C7: variants seen among roughly 807,000 people sequenced by gnomAD.
C7 encodes the protein complement component C7.
Under a neutral mutation model 104.8 loss-of-function variants are expected in C7, and 83 were observed. The observed-to-expected ratio is 0.79, with a 90% confidence interval of 0.66 to 0.95. The LOEUF is 0.95. Among genes scored for constraint, C7 ranks in the 40% least tolerant of loss-of-function variants. The pLI is 0.00. For synonymous variants in C7, 415 were observed against 360.6 expected, an observed-to-expected ratio of 1.15 and a Z score of -1.71; for missense variants, 1,070 against 1,011.2, an observed-to-expected ratio of 1.06 and a Z score of -0.79.
intron 5 of C7, chr5:40,937,098 A>T (rs1561243617): frequency 6.5e-6 from 1 of 152,774 alleles, no homozygotes; most frequent in Non-Finnish European, 1.5e-5. Context: ...AAATATTTTA[A>T]AATTTATTAA....
intron 13 of C7, 150 bp from the exon 14 acceptor site, chr5:40,964,591 G>A: frequency 1.6e-6 from 1 of 638,980 alleles, no homozygotes; most frequent in Non-Finnish European, 2.7e-6. Flanking sequence ...TAACTATATA[G>A]GGGAAAATGT....
At chr5:40,961,374 C>T (rs1740416298) in intron 12 of C7, among the ~76,000 whole-genome samples, 2 of 149,980 alleles carry the variant, frequency 1.3e-5, no homozygotes, top group South Asian at 4.3e-4. Flanking sequence ...GGGTCACTAA[C>T]TCTAATTACC....
intron 14 of C7, among the ~76,000 whole-genome samples, chr5:40,970,476 C>A (rs895975393): frequency 6.6e-6 from 1 of 152,066 alleles, no homozygotes; most frequent in African/African-American, 2.4e-5. Flanking sequence ...ACACTGAACA[C>A]TTTTATGTCT....
At chr5:40,960,193 A>G (rs1417698422) in intron 12 of C7, among the ~76,000 whole-genome samples, 1 of 152,212 alleles carries the variant, frequency 6.6e-6, no homozygotes, top group Non-Finnish European at 1.5e-5. Flanking sequence ...AGCCATCTCA[A>G]AAATGCTCAG....
rs1210695392 is a variant in C7, at chr5:40,936,435, T to C, written c.378T>C (p.Pro126=). 8 of 1,613,220 alleles carry C rather than the reference T, an allele frequency of 5.0e-6. No homozygotes were observed. Among genetic ancestry groups the C allele is most frequent in the Non-Finnish European group, 6.8e-6 (8 of 1,179,498 alleles). ...EDRCEDSERR[P]SCDIDKPPPN... ...GATGTGAGGACTCAGAAAGGAGACC[T>C]TCCTGTGATATCGATAAACCTCCTC... Residue 126 remains proline, a synonymous_variant, in exon 5 of 18, where the codon CCT becomes CCC. Coordinates refer to ENST00000313164, the MANE Select transcript of C7 (RefSeq NM_000587.4).
intron 1 of C7, among the ~76,000 whole-genome samples, chr5:40,924,161 G>T (rs777710938): frequency 2.0e-4 from 31 of 152,140 alleles, no homozygotes; most frequent in Non-Finnish European, 3.7e-4. Context: ...ATAGAATTGG[G>T]GTACAGGCAT....
chr5:40,970,217 G>A (rs1328065891), intron 14 of C7, among the ~76,000 whole-genome samples: 3 of 152,112 alleles, frequency 2.0e-5, no homozygotes, highest in Non-Finnish European at 4.4e-5. Context: ...TCCATCAAAT[G>A]CTGTTTTTGA....
At chr5:40,909,911 TAA>T (rs147498287) in intron 1 of C7, among the ~76,000 whole-genome samples, 2,534 of 148,892 alleles carry the variant, frequency 0.017, 78 homozygotes, top group African/African-American at 0.058. Context: ...AAAGTCCCGA[TAA>T]AGTCATAAAG....
rs1277890756 is a variant in C7, at chr5:40,928,595, A to G, written c.22A>G (p.Ile8Val). 1 of 1,547,238 alleles carries G rather than the reference A, an allele frequency of 6.5e-7. No individual in the cohort carries two copies. MKVISLF[I>V]LVGFIGEFQS... ...TCTTCTCCAGGTGATAAGCTTATTC[A>G]TTTTGGTGGGATTTATAGGAGAGTT... The change falls in exon 2 of 18, where the codon ATT (isoleucine) becomes GTT (valine). Residue 8 changes from isoleucine (I) to valine (V), a missense_variant. Transcript: ENST00000313164.
intron 8 of C7, among the ~76,000 whole-genome samples, chr5:40,948,264 C>A (rs576089745): frequency 9.9e-5 from 15 of 152,030 alleles, no homozygotes; most frequent in Admixed American, 2.6e-4. Flanking sequence ...AAAAAATCCT[C>A]TCTGAATATC....
chr5:40,943,014 G>T (rs1007846699), intron 6 of C7, among the ~76,000 whole-genome samples: 6 of 152,248 alleles, frequency 3.9e-5, no homozygotes, highest in Admixed American at 6.5e-5. Context: ...CGCCCACCTT[G>T]GCCTCCCAAA....
intron 4 of C7, among the ~76,000 whole-genome samples, chr5:40,935,618 G>A (rs1458939727): frequency 6.6e-6 from 1 of 152,198 alleles, no homozygotes; most frequent in African/African-American, 2.4e-5. Flanking sequence ...CATTGGAGAT[G>A]ACAGAAAGCT....
At chr5:40,955,301 G>A (rs964511691) in intron 9 of C7, 86 bp from the exon 10 acceptor site, 1 of 1,251,370 alleles carries the variant, frequency 8.0e-7, no homozygotes, top group African/African-American at 1.5e-5. Context: ...TCCATAGTTT[G>A]GCTTTTTCCA....
Position 40,941,956 on chromosome 5 carries a change from G to A in C7, c.568-3242G>A, listed in dbSNP as rs927269221. On this transcript the variant is annotated intron_variant, in intron 6 of 17. Coordinates refer to ENST00000313164, the MANE Select transcript of C7 (RefSeq NM_000587.4). ...ATAGAGGAGTAATAGAAGGAGATGC[G>A]TAAAGGAGTCTTAGAAGGAACAGCC... 1.8e-4 allele frequency among the ~76,000 whole-genome samples: 28 copies of A among 152,236 alleles called. No homozygotes were observed. In the South Asian group the frequency reaches 2.5e-3, roughly 14 times the overall value.
At chr5:40,933,717 G>T (rs1363142810) in intron 3 of C7, among the ~76,000 whole-genome samples, 1 of 152,060 alleles carries the variant, frequency 6.6e-6, no homozygotes, top group African/African-American at 2.4e-5. Context: ...TTACAGTTTA[G>T]CTGAAAGGAA....
chr5:40,968,600 A>ATATATATATTTT (rs1274226802), intron 14 of C7, among the ~76,000 whole-genome samples: 1 of 25,498 alleles, frequency 3.9e-5, no homozygotes, highest in African/African-American at 1.7e-4. Flanking sequence ...ATATATATAT[A>ATATATATATTTT]TTTTTTTTTT....
Position 40,981,473 on chromosome 5 carries a change from A to C in C7, c.2432A>C (p.Lys811Thr). 6.2e-7 allele frequency: 1 copy of C among 1,613,830 alleles called. No individual in the cohort carries two copies. The highest frequency in any genetic ancestry group is 1.1e-5 in the South Asian group (1 of 91,018). Residue 811 changes from lysine (K) to threonine (T), a missense_variant, in exon 18 of 18, where the codon AAG becomes ACG. Transcript: ENST00000313164. ...GFSICVEVNGKEQTMSECEAG... is the reference protein window; with the variant it reads ...GFSICVEVNGTEQTMSECEAG... ...AGCATTTGTGTGGAAGTGAACGGCAAGGAGCAGACGATGTCTGAGTGTGAG... is the reference window on the plus strand; with the variant it reads ...AGCATTTGTGTGGAAGTGAACGGCACGGAGCAGACGATGTCTGAGTGTGAG...
chr5:40,981,505 G>T lies in C7; in HGVS notation c.2464G>T (p.Ala822Ser). 6.2e-7 allele frequency: 1 copy of T among 1,613,720 alleles called. No homozygotes were observed. The highest frequency in any genetic ancestry group is 8.5e-7 in the Non-Finnish European group (1 of 1,179,750). Residue 822 changes from alanine to serine, a missense_variant, in exon 18 of 18, where the codon GCT becomes TCT. By Grantham distance (99) the Ala-to-Ser change is moderately conservative. Transcript: ENST00000313164. Reference protein sequence around the residue: ...EQTMSECEAGALRCRGQSISV... With the variant: ...EQTMSECEAGSLRCRGQSISV... ...GACGATGTCTGAGTGTGAGGCGGGC[G>T]CTCTGAGATGCAGAGGGCAGAGCAT...
At position 40,936,505 on chromosome 5, in the gene C7, C is replaced by A. The variant is rs766543238; in HGVS notation, c.428+20C>A. ...AAATGGGTAAGGTGCTGGGCAGCCTCCTGAGTACATCAGTGAATTGTAGTT... is the reference window on the plus strand; with the variant it reads ...AAATGGGTAAGGTGCTGGGCAGCCTACTGAGTACATCAGTGAATTGTAGTT... On this transcript the variant is annotated intron_variant, in intron 5 of 17. Coordinates refer to ENST00000313164, the MANE Select transcript of C7 (RefSeq NM_000587.4). 5.6e-6 allele frequency: 9 copies of A among 1,606,178 alleles called. No homozygotes were observed. The African/African-American group carries it at 1.2e-4, about 22-fold the overall frequency.
Sources: gnomAD v4.1 joint callset for allele counts (sites outside exome capture counted in the v4.1 genomes callset) on GRCh38, gnomAD v4.1.1 for gene constraint, MANE v1.5 for transcripts, NCBI Gene and HGNC (gene_info 2026-07-23, HGNC 2026-07-21) for gene names.